SPATC1L: variants seen among roughly 807,000 people sequenced by gnomAD.
SPATC1L encodes the protein speriolin-like protein.
Under a neutral mutation model 21.2 loss-of-function variants are expected in SPATC1L, and 20 were observed. That is an observed-to-expected ratio of 0.94 (90% CI 0.66 to 1.37). The LOEUF is 1.37. Ranked by LOEUF, SPATC1L falls within the 40% of genes most tolerant of loss-of-function variation. The pLI is 0.00. For missense variants in SPATC1L, 499 were observed against 478.7 expected, an observed-to-expected ratio of 1.04 and a Z score of -0.40; for synonymous variants, 290 against 234.5, an observed-to-expected ratio of 1.24 and a Z score of -2.16.
At chr21:46,169,628 C>CT (rs199741547) in intron 2 of SPATC1L, among the ~76,000 whole-genome samples, 5 of 63,034 alleles carry the variant, frequency 7.9e-5, no homozygotes, top group Non-Finnish European at 1.2e-4. Context: ...GGGGAGGAGC[C>CT]CCTGCTCTGT....
At chr21:46,170,334 G>A (rs9680327) in intron 2 of SPATC1L, among the ~76,000 whole-genome samples, 88 of 138,278 alleles carry the variant, frequency 6.4e-4, no homozygotes, top group African/African-American at 7.3e-4. Flanking sequence ...TCCCTGCTCT[G>A]TGAGCATCCT....
At chr21:46,165,272 C>T (rs1009815461) in intron 3 of SPATC1L, among the ~76,000 whole-genome samples, 17 of 152,214 alleles carry the variant, frequency 1.1e-4, no homozygotes, top group Non-Finnish European at 1.8e-4. Flanking sequence ...GACTTCCAAA[C>T]TGGCCTGCTT....
chr21:46,174,569 G>A (rs954752985), intron 2 of SPATC1L, among the ~76,000 whole-genome samples: 6 of 152,094 alleles, frequency 3.9e-5, no homozygotes, highest in Non-Finnish European at 7.4e-5. Context: ...ACAAAGAAGA[G>A]CATTACACAA....
chr21:46,170,194 ATGG>A, intron 2 of SPATC1L, among the ~76,000 whole-genome samples: 1 of 107,456 alleles, frequency 9.3e-6, no homozygotes, highest in East Asian at 2.5e-4. Flanking sequence ...TCCTCTGTGG[ATGG>A]GGAGGAGCCC....
At position 46,182,669 on chromosome 21, in the gene SPATC1L, G is replaced by A. The variant is rs1231726996; in HGVS notation, c.148C>T (p.Pro50Ser). Residue 50 changes from proline (P) to serine (S), a missense_variant, in exon 2 of 5, where the codon CCC becomes TCC. Physicochemically the swap from Pro to Ser is moderately conservative, Grantham distance 74. Transcript: ENST00000291672. ...QEGGGHDLLP[P>S]RAHAYPEAGS... ...GCCTCAGGGTAGGCATGCGCCCTGG[G>A]TGGGAGCAGGTCGTGGCCGCCGCCC... 9 of 1,540,898 alleles carry A rather than the reference G, an allele frequency of 5.8e-6. No homozygotes were observed. The highest frequency in any genetic ancestry group is 1.2e-5 in the South Asian group (1 of 83,696).
At chr21:46,177,442 T>C (rs1408963276) in intron 2 of SPATC1L, among the ~76,000 whole-genome samples, 2 of 152,048 alleles carry the variant, frequency 1.3e-5, no homozygotes, top group Non-Finnish European at 2.9e-5. Context: ...CATTAAAAAG[T>C]GGGCAAAGGA....
At chr21:46,172,280 G>A (rs549517636) in intron 2 of SPATC1L, among the ~76,000 whole-genome samples, 12 of 151,788 alleles carry the variant, frequency 7.9e-5, no homozygotes, top group Non-Finnish European at 1.8e-4. Context: ...CATGAGGCAG[G>A]GGTGTGTGCA....
At chr21:46,171,414 G>GC (rs138620802) in intron 2 of SPATC1L, among the ~76,000 whole-genome samples, 24,238 of 129,110 alleles carry the variant, frequency 0.19, 2,393 homozygotes, top group African/African-American at 0.31. Context: ...GGGCGACAGA[G>GC]CAAGAATCCA....
In SPATC1L at chr21:46,182,750, G is replaced by A. The variant is rs149384097; in HGVS notation, c.67C>T (p.Arg23Cys). The change falls in exon 2 of 5, where the codon CGC becomes TGC. Residue 23 changes from arginine (R) to cysteine (C), a missense_variant. Physicochemically the swap from Arg to Cys is radical, Grantham distance 180. Transcript: ENST00000291672. The part of the protein sequence containing the change: ...SENADLKKQV[R>C]LLKENQMLRR... Reference sequence around the variant, plus strand: ...AGCATCTGATTCTCCTTCAGGAGGCGCACCTGCTTCTTCAGGTCCGCGTTC... The same window carrying A: ...AGCATCTGATTCTCCTTCAGGAGGCACACCTGCTTCTTCAGGTCCGCGTTC... 9.2e-4 allele frequency: 1,427 copies of A among 1,547,746 alleles called. 11 individuals carry two copies. In the African/African-American group the frequency reaches 0.018, roughly 19 times the overall value.
chr21:46,171,810 TC>T lies in SPATC1L; in HGVS notation c.194-3153del, dbSNP rs2079592413. Among the ~76,000 whole-genome samples the T allele has an allele frequency of 3.3e-5, 5 of 151,612 alleles. No homozygotes were observed. The South Asian group carries it at 1.0e-3, about 32-fold the overall frequency. ...TGGTCTGTGGGTGAGTGTGCCAAGT[TC>T]CCAAACAAGTCATAATCCCGACATC... On this transcript the variant is annotated intron_variant, in intron 2 of 4. Coordinates refer to ENST00000291672, the MANE Select transcript of SPATC1L (RefSeq NM_001142854.2).
At chr21:46,172,134 T>C (rs2330401) in intron 2 of SPATC1L, among the ~76,000 whole-genome samples, 457 of 6,372 alleles carry the variant, frequency 0.072, 20 homozygotes, top group East Asian at 0.18. Flanking sequence ...ATGCACAGAG[T>C]GTGAGGTGGG....
chr21:46,161,520 G>T lies in SPATC1L; in HGVS notation c.882C>A (p.Asn294Lys), dbSNP rs1391888763. ...ILKQRPDLRA[N>K]PLHSSPAALR... is the part of the protein sequence containing the mutation. ...GCGCGGCCGGGCTGCTGTGCAGGGG[G>T]TTGGCGCGCAGGTCGGGCCGCTGCT... The change falls in exon 5 of 5, where the codon AAC becomes AAA. Residue 294 changes from asparagine to lysine, a missense_variant. Physicochemically the swap from Asn to Lys is moderately conservative, Grantham distance 94. Coordinates refer to ENST00000291672, the MANE Select transcript of SPATC1L (RefSeq NM_001142854.2). 6.8e-6 allele frequency: 11 copies of T among 1,610,180 alleles called. No homozygotes were observed. Among genetic ancestry groups the T allele is most frequent in the South Asian group, 1.1e-5 (1 of 90,812 alleles).
rs1006563303 is a variant in SPATC1L, at chr21:46,183,137, C to T, written c.-321G>A. The T allele has an allele frequency of 1.1e-5, 4 of 363,892 alleles. No individual in the cohort carries two copies. Among genetic ancestry groups the T allele is most frequent in the Admixed American group, 4.7e-5 (1 of 21,230 alleles). The allele number at this position is 363,892 out of a possible 1,614,324, so 22.5% of individuals were successfully genotyped here. A position where few individuals can be genotyped will look rare whatever the true frequency, so the allele number is the denominator to read the frequency against. ...TGTAGCGACTGTACTCCAAGAGGGG[C>T]GTCCAAGCCACTCCCCATTGAGCGG... On this transcript the variant is annotated 5_prime_UTR_variant, in exon 2 of 5. Coordinates refer to ENST00000291672, the MANE Select transcript of SPATC1L (RefSeq NM_001142854.2).
chr21:46,161,193 C>T lies in SPATC1L; in HGVS notation c.*186G>A, dbSNP rs2079481898. 2 of 478,896 alleles carry T rather than the reference C, an allele frequency of 4.2e-6. No homozygotes were observed. Among genetic ancestry groups the T allele is most frequent in the Non-Finnish European group, 7.1e-6 (2 of 282,554 alleles). The allele number at this position is 478,896 out of a possible 1,614,324, so 29.7% of individuals were successfully genotyped here. On this transcript the variant is annotated 3_prime_UTR_variant, in exon 5 of 5. Transcript: ENST00000291672. ...GATGATTTTAATGAGGGGTGAGAAG[C>T]ACTCCGCAGGTGCGGGCAGCGGCGG...
At chr21:46,181,672 C>A (rs2079674989) in intron 2 of SPATC1L, among the ~76,000 whole-genome samples, 4 of 152,154 alleles carry the variant, frequency 2.6e-5, no homozygotes. Context: ...CAGAGCTGGC[C>A]TCCCGGGCAT....
Position 46,182,820 on chromosome 21 carries a change from G to C in SPATC1L, c.-4C>G, listed in dbSNP as rs950663287. Reference sequence around the variant, plus strand: ...TCAGCTCGCCGCCTTCAGCCATGGCGGGTGCGTCCCTCCTTGTCCCTCACG... The same window carrying C: ...TCAGCTCGCCGCCTTCAGCCATGGCCGGTGCGTCCCTCCTTGTCCCTCACG... On this transcript the variant is annotated 5_prime_UTR_variant, in exon 2 of 5. Transcript: ENST00000291672. The C allele has an allele frequency of 6.5e-7, 1 of 1,528,600 alleles. No individual in the cohort carries two copies. Among genetic ancestry groups the C allele is most frequent in the Admixed American group, 2.0e-5 (1 of 49,876 alleles). The allele number at this position is 1,528,600 out of a possible 1,614,324, so 94.7% of individuals were successfully genotyped here.
intron 3 of SPATC1L, among the ~76,000 whole-genome samples, chr21:46,164,734 G>A (rs1245095245): frequency 1.3e-5 from 2 of 149,030 alleles, no homozygotes; most frequent in East Asian, 3.9e-4. Flanking sequence ...GGATGTTGCA[G>A]TGAGCCGAGA....
At position 46,161,496 on chromosome 21, in the gene SPATC1L, C is replaced by G. The variant is rs779186054; in HGVS notation, c.906G>C (p.Ala302=). The G allele has an allele frequency of 1.2e-6, 2 of 1,606,492 alleles. No homozygotes were observed. ...RANPLHSSPA[A]LRKLVIDVVP... is the part of the protein sequence containing the mutation. ...CCACGTCGATGACCAGCTTGCGCAGCGCGGCCGGGCTGCTGTGCAGGGGGT... is the reference window on the plus strand; with the variant it reads ...CCACGTCGATGACCAGCTTGCGCAGGGCGGCCGGGCTGCTGTGCAGGGGGT... Residue 302 remains alanine, a synonymous_variant, in exon 5 of 5, where the codon GCG becomes GCC. Coordinates refer to ENST00000291672, the MANE Select transcript of SPATC1L (RefSeq NM_001142854.2).
At chr21:46,162,287 C>T (rs1158239203) in intron 3 of SPATC1L, among the ~76,000 whole-genome samples, 13 of 152,176 alleles carry the variant, frequency 8.5e-5, no homozygotes, top group African/African-American at 2.9e-4. Context: ...TCCCTTCTGT[C>T]CCTTTGCGAT....
Sources: gnomAD v4.1 joint callset for allele counts (sites outside exome capture counted in the v4.1 genomes callset) on GRCh38, gnomAD v4.1.1 for gene constraint, MANE v1.5 for transcripts, NCBI Gene and HGNC (gene_info 2026-07-23, HGNC 2026-07-21) for gene names.